Variants in PDE3A observed in about 807,000 individuals in gnomAD.
The protein encoded by PDE3A is cGMP-inhibited 3',5'-cyclic phosphodiesterase 3A.
PDE3A carries 43 observed loss-of-function variants against 98.3 expected under a neutral mutation model. The observed-to-expected ratio is 0.44, with a 90% CI of 0.34 to 0.56. PDE3A has a LOEUF of 0.56. Among genes scored for constraint, PDE3A ranks in the 20% least tolerant of loss-of-function variants. PDE3A has a pLI of 0.01. For synonymous variants in PDE3A, 663 were observed against 567.9 expected (o/e 1.17, Z -2.38); for missense variants, 1,427 against 1,440.7 (o/e 0.99, Z 0.15).
chr12:20,392,392 AC>A (rs1943933077), intron 1 of PDE3A, among the ~76,000 whole-genome samples: 1 of 151,872 alleles, frequency 6.6e-6, no homozygotes, highest in African/African-American at 2.4e-5. Flanking sequence ...ATGTACCTGG[AC>A]TAGATGTGGT....
rs555848483 is a variant in PDE3A, at chr12:20,552,711, G to A, written c.961-3949G>A. 2 of 1,614,036 alleles carry A rather than the reference G, an allele frequency of 1.2e-6. No individual in the cohort carries two copies. Among genetic ancestry groups the A allele is most frequent in the East Asian group, 2.2e-5 (1 of 44,872 alleles). On this transcript the variant is annotated intron_variant, in intron 1 of 15. Coordinates refer to ENST00000359062, the MANE Select transcript of PDE3A (RefSeq NM_000921.5). The surrounding 1 kb of genome is among the most constrained non-coding windows in gnomAD (Gnocchi z 5.1). Reference sequence around the variant, plus strand: ...AGGACAAGAGCAACGCCAAGCTGTGGAATGAGGTCCTGGCGTCACTCAAGG... The same window carrying A: ...AGGACAAGAGCAACGCCAAGCTGTGAAATGAGGTCCTGGCGTCACTCAAGG...
chr12:20,369,392 A>G lies in PDE3A; in HGVS notation c.108A>G (p.Ala36=), dbSNP rs1307960983. 6.4e-7 allele frequency: 1 copy of G among 1,551,242 alleles called. No individual in the cohort carries two copies. The highest frequency in any genetic ancestry group is 1.2e-5 in the South Asian group (1 of 84,082). ...GRDCHHRADP[A]SPRDSGCRGC... ...ACTGCCACCATCGTGCGGACCCCGCATCGCCGCGGGACTCGGGCTGCCGTG... is the reference window on the plus strand; with the variant it reads ...ACTGCCACCATCGTGCGGACCCCGCGTCGCCGCGGGACTCGGGCTGCCGTG... Residue 36 remains alanine, a synonymous_variant, in exon 1 of 16, where the codon GCA becomes GCG. Coordinates refer to ENST00000359062, the MANE Select transcript of PDE3A (RefSeq NM_000921.5).
intron 1 of PDE3A, among the ~76,000 whole-genome samples, chr12:20,390,566 A>G (rs917694172): frequency 3.4e-5 from 5 of 147,206 alleles, no homozygotes; most frequent in African/African-American, 1.2e-4. Flanking sequence ...AGAAACTAGA[A>G]AGATAGTGGC....
At chr12:20,474,130 A>G (rs1419431082) in intron 1 of PDE3A, among the ~76,000 whole-genome samples, 1 of 152,198 alleles carries the variant, frequency 6.6e-6, no homozygotes, top group Non-Finnish European at 1.5e-5. Flanking sequence ...GTTGTCCTAT[A>G]TACCGACAAA....
intron 1 of PDE3A, among the ~76,000 whole-genome samples, chr12:20,492,969 G>T (rs7295612): frequency 0.73 from 110,238 of 152,048 alleles, 40,295 homozygotes; most frequent in East Asian, 0.97. Flanking sequence ...GCAAGGCACT[G>T]TGTTTCCTAG....
chr12:20,543,617 T>G (rs1941979427), intron 1 of PDE3A, among the ~76,000 whole-genome samples: 1 of 152,070 alleles, frequency 6.6e-6, no homozygotes, highest in African/African-American at 2.4e-5. Flanking sequence ...TAATGCTGCA[T>G]GAAGTTTTAA....
At position 20,513,448 on chromosome 12, in the gene PDE3A, G is replaced by T. The variant is rs569249471; in HGVS notation, c.961-43212G>T. Among the ~76,000 whole-genome samples, 72 of 152,234 alleles carry T rather than the reference G, an allele frequency of 4.7e-4. 1 individual carries two copies. Among genetic ancestry groups the T allele is most frequent in the African/African-American group, 1.5e-3 (64 of 41,558 alleles). On this transcript the variant is annotated intron_variant, in intron 1 of 15. Transcript: ENST00000359062. ...TCATGAGTAATAGCAGCTTAGCATT[G>T]TCTAACAGCTACAAAATCCATCAAT... is the stretch of plus-strand genomic sequence containing the variant.
intron 15 of PDE3A, among the ~76,000 whole-genome samples, chr12:20,665,423 A>C (rs528979889): frequency 4.6e-5 from 7 of 152,284 alleles, no homozygotes; most frequent in South Asian, 4.1e-4. Flanking sequence ...TAATATTTGC[A>C]TGTTGAAAAC....
At chr12:20,646,393 A>G in intron 10 of PDE3A, 97 bp from the exon 11 acceptor site, 1 of 683,392 alleles carries the variant, frequency 1.5e-6, no homozygotes, top group South Asian at 1.8e-5. Flanking sequence ...GAAATAGTAA[A>G]ATGTTAGGAC....
At chr12:20,452,272 T>C (rs1039309845) in intron 1 of PDE3A, among the ~76,000 whole-genome samples, 11 of 152,246 alleles carry the variant, frequency 7.2e-5, no homozygotes, top group Admixed American at 2.6e-4. Flanking sequence ...ACATGAAATA[T>C]AGCAATCATA....
intron 2 of PDE3A, among the ~76,000 whole-genome samples, chr12:20,567,690 C>T (rs928300451): frequency 1.3e-5 from 2 of 151,514 alleles, no homozygotes; most frequent in African/African-American, 4.8e-5. Context: ...GTGATTCTGT[C>T]TCATGCAGCT....
At chr12:20,603,647 G>GACAA (rs1331494088) in intron 2 of PDE3A, among the ~76,000 whole-genome samples, 1 of 151,992 alleles carries the variant, frequency 6.6e-6, no homozygotes, top group South Asian at 2.1e-4. Context: ...TCATGTAGGG[G>GACAA]ACAAACACCC....
chr12:20,397,527 G>A lies in PDE3A; in HGVS notation c.960+27283G>A, dbSNP rs149631382. Among the ~76,000 whole-genome samples the A allele has an allele frequency of 7.0e-3, 1,067 of 151,932 alleles. 12 individuals are homozygous for A. Among genetic ancestry groups the A allele is most frequent in the African/African-American group, 0.024 (1,001 of 41,478 alleles). ...TATCAAGTTAATATAGTAATATATT[G>A]TGTAAGTATACATGTATAATATAGT... On this transcript the variant is annotated intron_variant, in intron 1 of 15. Coordinates refer to ENST00000359062, the MANE Select transcript of PDE3A (RefSeq NM_000921.5).
intron 1 of PDE3A, among the ~76,000 whole-genome samples, chr12:20,519,234 G>A (rs1399111423): frequency 1.3e-5 from 2 of 152,136 alleles, no homozygotes; most frequent in Non-Finnish European, 2.9e-5. Context: ...ATATCATGGA[G>A]TGAGTCTGGA....
chr12:20,606,851 C>CAAAA (rs370189687), intron 2 of PDE3A, among the ~76,000 whole-genome samples: 1 of 74,662 alleles, frequency 1.3e-5, no homozygotes, highest in African/African-American at 5.0e-5. Flanking sequence ...AGCTCCATCT[C>CAAAA]AAAAAAAAAA....
chr12:20,386,132 AATATATATAAATATATATAT>A (rs1943783150), intron 1 of PDE3A, among the ~76,000 whole-genome samples: 1 of 78,388 alleles, frequency 1.3e-5, no homozygotes, highest in African/African-American at 6.0e-5. Context: ...AATATATATA[AATATATATAAATATATATAT>A]AAATATATAT....
chr12:20,483,967 C>T (rs1220863608), intron 1 of PDE3A, among the ~76,000 whole-genome samples: 1 of 152,180 alleles, frequency 6.6e-6, no homozygotes, highest in African/African-American at 2.4e-5. Flanking sequence ...TGCCTGGAAC[C>T]TCCTAGCCTG....
At chr12:20,516,394 T>C (rs1043857648) in intron 1 of PDE3A, among the ~76,000 whole-genome samples, 5 of 152,230 alleles carry the variant, frequency 3.3e-5, no homozygotes, top group Admixed American at 2.0e-4. Context: ...GCTTGATTTG[T>C]ATCTTTCAAA....
In PDE3A at chr12:20,684,893, G is replaced by A. The variant is rs944929690; in HGVS notation, c.*4622G>A. Among the ~76,000 whole-genome samples, 3 of 151,944 alleles carry A rather than the reference G, an allele frequency of 2.0e-5. No individual in the cohort carries two copies. The highest frequency in any genetic ancestry group is 7.3e-5 in the African/African-American group (3 of 41,224). On this transcript the variant is annotated 3_prime_UTR_variant, in exon 16 of 16. Transcript: ENST00000359062. ...TAAATTGAGATTTGCATACGTATTT[G>A]TGTGTTTCACACCAAAGACCCATGC...
Sources: allele counts gnomAD v4.1 joint callset (sites outside exome capture counted in the v4.1 genomes callset), GRCh38; gene constraint gnomAD v4.1.1; non-coding constraint Gnocchi (gnomAD v3.1); transcripts MANE v1.5; gene names NCBI Gene and HGNC (gene_info 2026-07-23, HGNC 2026-07-21).